The following MAD1L1 variants were observed in gnomAD, a reference collection of about 807,000 sequenced individuals.
MAD1L1 encodes mitotic arrest deficient 1 like 1.
A neutral mutation model predicts 96.9 loss-of-function variants in MAD1L1; 95 were observed. That is an observed-to-expected ratio of 0.98 (90% CI 0.83 to 1.16). MAD1L1 has a LOEUF of 1.16. MAD1L1 is among the 50% of genes most tolerant of loss of function. The pLI, the probability that MAD1L1 is intolerant of heterozygous loss-of-function variation, is 0.00. For synonymous variants in MAD1L1, 473 were observed against 396.6 expected, an observed-to-expected ratio of 1.19 and a Z score of -2.29; for missense variants, 1,007 against 954.4, an observed-to-expected ratio of 1.06 and a Z score of -0.73.
At chr7:1,827,318 A>ACAGGTGCTCAGATCAGGC (rs1180919037) in intron 18 of MAD1L1, among the ~76,000 whole-genome samples, 2 of 152,228 alleles carry the variant, frequency 1.3e-5, no homozygotes, top group Admixed American at 1.3e-4. Context: ...GCGGGCAGGG[A>ACAGGTGCTCAGATCAGGC]GGACAGGTGC....
In MAD1L1 at chr7:1,980,493, G is replaced by A. The variant is rs1456301338; in HGVS notation, c.1465C>T (p.Gln489Ter). The A allele has an allele frequency of 5.0e-6, 8 of 1,601,268 alleles. No homozygotes were observed. Among genetic ancestry groups the A allele is most frequent in the Non-Finnish European group, 6.8e-6 (8 of 1,178,120 alleles). Residue 489 changes from glutamine to a stop codon, truncating the protein, a stop_gained, in exon 15 of 19, where the codon CAG becomes TAG. Transcript: ENST00000265854. LOFTEE classifies it high-confidence loss of function. ...MLKSQSSSAE[Q>*]SFLFSREEAD... is the part of the protein sequence containing the mutation. Reference sequence around the variant, plus strand: ...TCCTCCCTGGAGAACAGGAAGCTCTGTTCGGCAGAGCTGGACTGAGACTTC... The same window carrying A: ...TCCTCCCTGGAGAACAGGAAGCTCTATTCGGCAGAGCTGGACTGAGACTTC...
intron 18 of MAD1L1, among the ~76,000 whole-genome samples, chr7:1,890,592 T>C (rs1457624573): frequency 6.6e-6 from 1 of 152,212 alleles, no homozygotes; most frequent in African/African-American, 2.4e-5. Context: ...TATTCCTTTA[T>C]AGCAACATAA....
intron 12 of MAD1L1, among the ~76,000 whole-genome samples, chr7:2,028,252 C>T (rs1288908576): frequency 6.6e-6 from 1 of 151,792 alleles, no homozygotes. Context: ...GGCGAAACCC[C>T]GTCTCCACTA....
intron 10 of MAD1L1, among the ~76,000 whole-genome samples, chr7:2,193,936 A>ATTTTTTTTTTTT (rs35067993): frequency 4.8e-5 from 4 of 82,800 alleles, no homozygotes; most frequent in African/African-American, 1.9e-4. Flanking sequence ...CTCTGCATGG[A>ATTTTTTTTTTTT]TTTTTTTTTT....
chr7:2,020,262 G>C (rs531550999), intron 12 of MAD1L1, among the ~76,000 whole-genome samples: 51 of 152,280 alleles, frequency 3.3e-4, no homozygotes, highest in African/African-American at 1.1e-3. Context: ...ATCGGGGGGG[G>C]CACTAACCCC....
chr7:1,870,221 C>T (rs1470001059), intron 18 of MAD1L1, among the ~76,000 whole-genome samples: 1 of 151,910 alleles, frequency 6.6e-6, no homozygotes, highest in Non-Finnish European at 1.5e-5. Flanking sequence ...CCAACATATG[C>T]CTGCCACGCT....
intron 15 of MAD1L1, among the ~76,000 whole-genome samples, chr7:1,963,043 G>A (rs1406199327): frequency 1.3e-5 from 2 of 152,182 alleles, no homozygotes; most frequent in Non-Finnish European, 2.9e-5. Context: ...TCTGGAAGAC[G>A]GGCAACCTCG....
intron 2 of MAD1L1, 144 bp downstream of exon 2, chr7:2,230,405 G>C (rs1347651674): frequency 2.7e-6 from 1 of 375,436 alleles, no homozygotes; most frequent in South Asian, 3.2e-5. Context: ...TGGACAGATG[G>C]ACAGCTGGCG....
At chr7:1,828,489 G>A (rs1782542510) in intron 18 of MAD1L1, among the ~76,000 whole-genome samples, 1 of 152,176 alleles carries the variant, frequency 6.6e-6, no homozygotes. Flanking sequence ...ACCAGTGCCT[G>A]TCTCCGGCAG....
At chr7:2,156,546 G>A (rs536385661) in intron 10 of MAD1L1, among the ~76,000 whole-genome samples, 1 of 152,194 alleles carries the variant, frequency 6.6e-6, no homozygotes, top group East Asian at 1.9e-4. Context: ...GGCTGGGCGC[G>A]CAGTGGCTCA....
At chr7:1,921,509 G>A (rs1200937238) in intron 17 of MAD1L1, among the ~76,000 whole-genome samples, 1 of 152,078 alleles carries the variant, frequency 6.6e-6, no homozygotes, top group Non-Finnish European at 1.5e-5. Flanking sequence ...TTTTAGTAGA[G>A]ACAGGGTTTC....
At chr7:2,057,110 C>G (rs1002507682) in intron 12 of MAD1L1, among the ~76,000 whole-genome samples, 1 of 152,254 alleles carries the variant, frequency 6.6e-6, no homozygotes, top group African/African-American at 2.4e-5. Context: ...CGCCTCAACG[C>G]GACTGACACC....
chr7:1,857,491 CTGAGT>C (rs1161577425), intron 18 of MAD1L1, among the ~76,000 whole-genome samples: 1 of 152,198 alleles, frequency 6.6e-6, no homozygotes, highest in Non-Finnish European at 1.5e-5. Context: ...GCGTGTGCAG[CTGAGT>C]TTTCAGACAG....
At chr7:1,881,995 G>A (rs1387188487) in intron 18 of MAD1L1, among the ~76,000 whole-genome samples, 1 of 152,166 alleles carries the variant, frequency 6.6e-6, no homozygotes, top group Non-Finnish European at 1.5e-5. Flanking sequence ...CCCCACAGCT[G>A]GCGACCTCCC....
intron 10 of MAD1L1, among the ~76,000 whole-genome samples, chr7:2,210,958 G>A (rs184091484): frequency 2.0e-4 from 30 of 152,330 alleles, no homozygotes; most frequent in South Asian, 1.5e-3. Context: ...GAAGAGCTCC[G>A]TGTCCCCCTT....
chr7:2,004,445 T>C lies in MAD1L1; in HGVS notation c.1360-2324A>G, dbSNP rs371529551. Among the ~76,000 whole-genome samples, 3 of 152,188 alleles carry C rather than the reference T, an allele frequency of 2.0e-5. No homozygotes were observed. The East Asian group carries it at 5.8e-4, about 29-fold the overall frequency. On this transcript the variant is annotated intron_variant, in intron 13 of 18. Coordinates refer to ENST00000265854, the MANE Select transcript of MAD1L1 (RefSeq NM_001013836.2). ...ACATCGTCATCCCCATTTACATCAG[T>C]TCACATGGCAACCTTGCAAGGTCAA...
intron 12 of MAD1L1, among the ~76,000 whole-genome samples, chr7:2,061,921 T>C (rs569317637): frequency 3.3e-5 from 5 of 152,296 alleles, no homozygotes; most frequent in South Asian, 2.1e-4. Context: ...AGTACAGGTA[T>C]GTGATTCCAA....
At chr7:1,961,827 T>C (rs918029721) in intron 15 of MAD1L1, among the ~76,000 whole-genome samples, 1 of 152,040 alleles carries the variant, frequency 6.6e-6, no homozygotes. Flanking sequence ...TGGTGGGATA[T>C]AATGAATCAC....
chr7:2,049,486 G>C lies in MAD1L1; in HGVS notation c.1218+19708C>G, dbSNP rs140599957. 3.9e-3 allele frequency among the ~76,000 whole-genome samples: 601 copies of C among 152,342 alleles called. 1 individual carries two copies. The highest frequency in any genetic ancestry group is 6.8e-3 in the Non-Finnish European group (461 of 68,028). ...CAGCTCACCAGCTCACGGGCCTTCT[G>C]ATGGCACTCAAGAAATTTAGTTTAA... On this transcript the variant is annotated intron_variant, in intron 12 of 18. Transcript: ENST00000265854.
Sources: allele counts gnomAD v4.1 joint callset (sites outside exome capture counted in the v4.1 genomes callset), GRCh38; gene constraint gnomAD v4.1.1; transcripts MANE v1.5; gene names NCBI Gene and HGNC (gene_info 2026-07-23, HGNC 2026-07-21).